Variants in RHBDL2 observed in about 807,000 individuals in gnomAD.
RHBDL2 encodes the protein rhomboid-related protein 2.
Under a neutral mutation model 31.7 loss-of-function variants are expected in RHBDL2, and 26 were observed. The ratio of observed to expected loss-of-function variants is 0.82; its 90% CI spans 0.60 to 1.14. RHBDL2 has a LOEUF of 1.14. Ranked by LOEUF, RHBDL2 falls within the 50% of genes most tolerant of loss-of-function variation. The pLI is 0.00. For synonymous variants in RHBDL2, 123 were observed against 127.2 expected (o/e 0.97, Z 0.22); for missense variants, 336 against 364.4 (o/e 0.92, Z 0.63).
chr1:38,888,005 A>G lies in RHBDL2; in HGVS notation c.690T>C (p.Phe230=). 1 of 1,612,988 alleles carries G rather than the reference A, an allele frequency of 6.2e-7. No homozygotes were observed. The highest frequency in any genetic ancestry group is 8.5e-7 in the Non-Finnish European group (1 of 1,179,028). Reference sequence around the variant, plus strand: ...GAACAAAGAACCTTCTATAGAGAGCAAATCCCATGTCCAACACAACTAGAA... The same window carrying G: ...GAACAAAGAACCTTCTATAGAGAGCGAATCCCATGTCCAACACAACTAGAA... The part of the protein sequence containing the change: ...IILIIVLDMG[F]ALYRRFFVPE... Residue 230 remains phenylalanine (F), a synonymous_variant, in exon 7 of 8, where the codon TTT becomes TTC. Transcript: ENST00000372990.
chr1:38,897,809 G>A (rs1642939300), intron 4 of RHBDL2, among the ~76,000 whole-genome samples: 1 of 152,182 alleles, frequency 6.6e-6, no homozygotes, highest in African/African-American at 2.4e-5. Context: ...ATACAAACAG[G>A]TATATGGATG....
chr1:38,911,629 TGTGTGTGTGTGTGTGTGC>T (rs1190334674), intron 3 of RHBDL2, among the ~76,000 whole-genome samples, 195 bp from the exon 4 acceptor site: 1,408 of 122,042 alleles, frequency 0.012, 28 homozygotes, highest in African/African-American at 0.034. Context: ...TGTGTGTGTG[TGTGTGTGTGTGTGTGTGC>T]GCGCGCGCGC....
rs11205438 is a variant in RHBDL2, at chr1:38,936,765, G to T, written c.-126+4917C>A. On this transcript the variant is annotated intron_variant, in intron 1 of 7. Transcript: ENST00000372990. Reference sequence around the variant, plus strand: ...TCCACCCACCTCAGCCTCCCAAAGTGCTGGGATTACAAGTGTGAGCCACCG... The same window carrying T: ...TCCACCCACCTCAGCCTCCCAAAGTTCTGGGATTACAAGTGTGAGCCACCG... Among the ~76,000 whole-genome samples, 601 of 152,074 alleles carry T rather than the reference G, an allele frequency of 4.0e-3. 6 individuals carry two copies. Among genetic ancestry groups the T allele is most frequent in the African/African-American group, 0.014 (582 of 41,464 alleles).
intron 1 of RHBDL2, among the ~76,000 whole-genome samples, chr1:38,932,202 G>A (rs958949528): frequency 2.0e-5 from 3 of 151,760 alleles, no homozygotes; most frequent in African/African-American, 7.3e-5. Flanking sequence ...GTCTCTCTGA[G>A]CCTGGTCTGG....
At chr1:38,907,184 A>G (rs376993652) in intron 4 of RHBDL2, among the ~76,000 whole-genome samples, 1 of 152,230 alleles carries the variant, frequency 6.6e-6, no homozygotes, top group Non-Finnish European at 1.5e-5. Context: ...TTATTCTAGC[A>G]TAATTGGATA....
At chr1:38,921,320 A>G (rs1442522954) in intron 1 of RHBDL2, among the ~76,000 whole-genome samples, 1 of 152,290 alleles carries the variant, frequency 6.6e-6, no homozygotes, top group Non-Finnish European at 1.5e-5. Context: ...GGCAGAGGTT[A>G]CAGTGAGCCA....
intron 5 of RHBDL2, among the ~76,000 whole-genome samples, chr1:38,893,978 T>G (rs114637943): frequency 7.9e-4 from 121 of 152,282 alleles, no homozygotes; most frequent in African/African-American, 2.8e-3. Context: ...CTAATATAAT[T>G]TATTGAATTA....
intron 4 of RHBDL2, among the ~76,000 whole-genome samples, chr1:38,908,202 TTAG>T (rs1643093022): frequency 1.3e-5 from 2 of 148,714 alleles, no homozygotes; most frequent in African/African-American, 4.9e-5. Context: ...TCATTAGCCA[TTAG>T]GGAAATGCAA....
chr1:38,931,932 GGTTT>G (rs1643443707), intron 1 of RHBDL2, among the ~76,000 whole-genome samples: 1 of 152,122 alleles, frequency 6.6e-6, no homozygotes, highest in African/African-American at 2.4e-5. Context: ...ATATGGTTTG[GGTTT>G]GTTTCTCCTC....
At chr1:38,898,003 C>T (rs1642942277) in intron 4 of RHBDL2, among the ~76,000 whole-genome samples, 5 of 152,100 alleles carry the variant, frequency 3.3e-5, no homozygotes, top group Admixed American at 3.3e-4. Flanking sequence ...TGGTGGCAGA[C>T]ACCTGTAATC....
intron 1 of RHBDL2, among the ~76,000 whole-genome samples, chr1:38,927,360 G>C (rs770440867): frequency 2.2e-4 from 34 of 152,172 alleles, no homozygotes; most frequent in Non-Finnish European, 4.3e-4. Context: ...CTGGGAGGCG[G>C]AGGTTGCGGT....
chr1:38,937,336 C>G (rs1643521593), intron 1 of RHBDL2, among the ~76,000 whole-genome samples: 1 of 152,178 alleles, frequency 6.6e-6, no homozygotes, highest in Non-Finnish European at 1.5e-5. Context: ...TCTCTCTTTA[C>G]TTGCTATCTC....
At chr1:38,887,644 C>T (rs945769654) in intron 7 of RHBDL2, among the ~76,000 whole-genome samples, 5 of 151,754 alleles carry the variant, frequency 3.3e-5, no homozygotes, top group Non-Finnish European at 5.9e-5. Context: ...AGGCTGGTCT[C>T]AAACTCCTGA....
At chr1:38,903,920 AAAC>A (rs1452693124) in intron 4 of RHBDL2, among the ~76,000 whole-genome samples, 6 of 152,220 alleles carry the variant, frequency 3.9e-5, no homozygotes, top group Admixed American at 2.0e-4. Context: ...TCATATATAC[AAAC>A]AACAACTTCA....
intron 1 of RHBDL2, 134 bp downstream of exon 1, chr1:38,941,548 G>A (rs1450027278): frequency 6.6e-6 from 1 of 152,316 alleles, no homozygotes; most frequent in East Asian, 1.9e-4. Context: ...ACTCCAGAAG[G>A]GGGGTTACCA....
chr1:38,887,866 T>G, intron 7 of RHBDL2, 97 bp downstream of exon 7: 1 of 825,636 alleles, frequency 1.2e-6, no homozygotes, highest in Non-Finnish European at 2.0e-6. Context: ...AAATGGAAAT[T>G]TGGCTGCCCT....
intron 1 of RHBDL2, chr1:38,925,932 T>G: frequency 1.6e-6 from 2 of 1,266,784 alleles, no homozygotes; most frequent in Non-Finnish European, 2.1e-6. Context: ...TAATGGGCCT[T>G]TGGGAGTAAC....
At chr1:38,912,474 G>A (rs902279659) in intron 3 of RHBDL2, among the ~76,000 whole-genome samples, 50 of 150,984 alleles carry the variant, frequency 3.3e-4, no homozygotes, top group African/African-American at 1.2e-3. Context: ...TCTCGATTTC[G>A]ACTCACTACA....
chr1:38,941,279 G>A (rs1478632827), intron 1 of RHBDL2, among the ~76,000 whole-genome samples: 1 of 152,202 alleles, frequency 6.6e-6, no homozygotes, highest in East Asian at 1.9e-4. Context: ...GGTCTCCAGT[G>A]TCCAGGTCAG....
Sources: allele counts gnomAD v4.1 joint callset (sites outside exome capture counted in the v4.1 genomes callset), GRCh38; gene constraint gnomAD v4.1.1; transcripts MANE v1.5; gene names NCBI Gene and HGNC (gene_info 2026-07-23, HGNC 2026-07-21).